Variants in TPM4 observed in about 807,000 individuals in gnomAD.
TPM4 encodes tropomyosin alpha-4 chain.
A neutral mutation model predicts 35.8 loss-of-function variants in TPM4; 17 were observed. The observed-to-expected ratio is 0.47, with a 90% CI of 0.32 to 0.71. The LOEUF (loss-of-function observed/expected upper bound fraction) is 0.71, where lower values mean the gene tolerates loss of function less well. Among genes scored for constraint, TPM4 ranks in the 30% least tolerant of loss-of-function variants. The pLI, the probability that TPM4 is intolerant of heterozygous loss-of-function variation, is 0.03. For synonymous variants in TPM4, 120 were observed against 122.9 expected, an observed-to-expected ratio of 0.98 and a Z score of 0.15; for missense variants, 240 against 320.9, an observed-to-expected ratio of 0.75 and a Z score of 1.93.
chr19:16,076,985 C>A, intron 1 of TPM4: 1 of 428,354 alleles, frequency 2.3e-6, no homozygotes, highest in Non-Finnish European at 3.5e-6. Flanking sequence ...GAGCGATCTC[C>A]GGGTGGAGAA....
chr19:16,075,908 A>G, upstream of TPM4: 1 of 1,254,976 alleles, frequency 8.0e-7, no homozygotes, highest in Non-Finnish European at 1.1e-6. Context: ...TGCTATCGCA[A>G]CCCCTGTTCT....
At chr19:16,071,618 C>T (rs566571030), upstream of TPM4, among the ~76,000 whole-genome samples, 3 of 152,330 alleles carry the variant, frequency 2.0e-5, no homozygotes, top group South Asian at 6.2e-4. Context: ...CCCAGAATTC[C>T]GAAGCAGAAG....
At chr19:16,085,466 C>T (rs942428155) in intron 2 of TPM4, among the ~76,000 whole-genome samples, 3 of 151,732 alleles carry the variant, frequency 2.0e-5, no homozygotes, top group South Asian at 2.1e-4. Context: ...CTCAGGAGGC[C>T]GAGGCAACAG....
intron 7 of TPM4, chr19:16,100,231 A>G (rs1276942737): frequency 6.6e-6 from 1 of 152,160 alleles, no homozygotes; most frequent in Non-Finnish European, 1.5e-5. Flanking sequence ...ATACAACTGG[A>G]GCTTAAGTTC....
At chr19:16,072,806 T>A (rs963442714), upstream of TPM4, among the ~76,000 whole-genome samples, 8 of 149,162 alleles carry the variant, frequency 5.4e-5, no homozygotes, top group African/African-American at 1.5e-4. Flanking sequence ...ACTAGGGAGG[T>A]TGAGGCAGGA....
chr19:16,078,111 C>G, intron 1 of TPM4: 1 of 398,506 alleles, frequency 2.5e-6, no homozygotes, highest in Non-Finnish European at 4.4e-6. Flanking sequence ...AGCTCATAGA[C>G]AAATGGAGGC....
upstream of TPM4, among the ~76,000 whole-genome samples, chr19:16,071,761 C>T (rs2090358549): frequency 6.6e-6 from 1 of 152,180 alleles, no homozygotes. Flanking sequence ...TGATTTCTGG[C>T]CCTGCTTACC....
chr19:16,076,555 G>T lies in TPM4; in HGVS notation c.-11G>T, dbSNP rs1337667631. On this transcript the variant is annotated 5_prime_UTR_variant, in exon 1 of 8. Transcript: ENST00000643579. Reference sequence around the variant, plus strand: ...TCCGCCGCTGCCCGTGCGCCTCTGCGCCTCCGCGCCATGGCCGGCCTCAAC... The same window carrying T: ...TCCGCCGCTGCCCGTGCGCCTCTGCTCCTCCGCGCCATGGCCGGCCTCAAC... 4.1e-6 allele frequency: 6 copies of T among 1,452,782 alleles called. No homozygotes were observed. The highest frequency in any genetic ancestry group is 5.4e-6 in the Non-Finnish European group (6 of 1,107,436). The allele number at this position is 1,452,782 out of a possible 1,614,324, so 90.0% of individuals were successfully genotyped here.
intron 1 of TPM4, among the ~76,000 whole-genome samples, chr19:16,078,837 A>AAAAC (rs2090445200): frequency 6.6e-6 from 1 of 151,802 alleles, no homozygotes; most frequent in South Asian, 2.1e-4. Flanking sequence ...GGTTAAAAAA[A>AAAAC]AAAAAAAAAA....
intron 4 of TPM4, 70 bp from the exon 5 acceptor site, chr19:16,088,975 G>T (rs901772059): frequency 3.7e-6 from 6 of 1,605,742 alleles, no homozygotes; most frequent in Non-Finnish European, 4.3e-6. Flanking sequence ...AAAATTTATT[G>T]TTGGGGCGAT....
upstream of TPM4, chr19:16,076,246 C>T: frequency 6.5e-7 from 1 of 1,543,726 alleles, no homozygotes; most frequent in South Asian, 1.2e-5. Context: ...CGGGGAGAGC[C>T]GCAGGGGGAG....
At position 16,067,578 on chromosome 19, in the gene TPM4, C is replaced by G; in HGVS notation, c.-47C>G. On this transcript the variant is annotated 5_prime_UTR_variant, in exon 2 of 3. Transcript: ENST00000589897. This position sits in a 1 kb window ranked among gnomAD's most constrained non-coding sequence, Gnocchi z 4.1. ...CACAGCCCCTGACTGCCGCAGCCCC[C>G]ACAGAGCCCGCCGCGCACCCCACGT... The G allele has an allele frequency of 1.3e-6, 2 of 1,568,806 alleles. No individual in the cohort carries two copies. Among genetic ancestry groups the G allele is most frequent in the Non-Finnish European group, 1.7e-6 (2 of 1,148,904 alleles).
At chr19:16,095,466 G>A in intron 7 of TPM4, 5 of 1,024,366 alleles carry the variant, frequency 4.9e-6, no homozygotes, top group Non-Finnish European at 5.9e-6. Flanking sequence ...CTTCTGATGT[G>A]TCTGTGACTC....
At chr19:16,076,860 AC>A (rs2090414489) in intron 1 of TPM4, 163 bp downstream of exon 1, 1 of 1,238,278 alleles carries the variant, frequency 8.1e-7, no homozygotes, top group Non-Finnish European at 1.0e-6. Flanking sequence ...CGCAGCCAGG[AC>A]CCCCTACTTC....
chr19:16,076,005 C>CG (rs1555706856), upstream of TPM4: 1 of 1,535,984 alleles, frequency 6.5e-7, no homozygotes, highest in Non-Finnish European at 8.8e-7. Flanking sequence ...GGGACGTGAC[C>CG]CCCCCCCCAG....
At chr19:16,071,269 T>C (rs1398443048) in intron 2 of TPM4, among the ~76,000 whole-genome samples, 1 of 152,148 alleles carries the variant, frequency 6.6e-6, no homozygotes, top group Non-Finnish European at 1.5e-5. Flanking sequence ...AATCACAGCT[T>C]ACTGCAGCCT....
At position 16,102,647 on chromosome 19, in the gene TPM4, T is replaced by C. The variant is rs1437953075; in HGVS notation, c.*1301T>C. On this transcript the variant is annotated 3_prime_UTR_variant, in exon 8 of 8. Coordinates refer to ENST00000643579, the MANE Select transcript of TPM4 (RefSeq NM_003290.3). ...TAATAAAAGACCAAGAAACTCCTGATTAAACTGGATAATGAAGGATTCTGT... is the reference window on the plus strand; with the variant it reads ...TAATAAAAGACCAAGAAACTCCTGACTAAACTGGATAATGAAGGATTCTGT... 1 of 228,676 alleles carries C rather than the reference T, an allele frequency of 4.4e-6. No homozygotes were observed. Among genetic ancestry groups the C allele is most frequent in the Non-Finnish European group, 8.7e-6 (1 of 115,318 alleles). 14.2% of individuals were successfully genotyped at this position (228,676 alleles called of 1,614,324 possible).
chr19:16,072,478 T>C (rs574115050), upstream of TPM4, among the ~76,000 whole-genome samples: 2 of 152,336 alleles, frequency 1.3e-5, no homozygotes, highest in East Asian at 1.9e-4. Context: ...GGGTCCAGCA[T>C]GGTCTAGAAG....
rs1051196369 is a variant in TPM4 at position 16,070,627 on chromosome 19, C to A, written c.114+2889C>A. On this transcript the variant is annotated intron_variant, in intron 2 of 2. Coordinates refer to the TPM4 transcript ENST00000589897. The surrounding 1 kb of genome is among the most constrained non-coding windows in gnomAD (Gnocchi z 7.4). Reference sequence around the variant, plus strand: ...GTGACAGTAGGGCCTCCCTTGCCACCCCATGACAGGATTAGAGGTGACTGT... The same window carrying A: ...GTGACAGTAGGGCCTCCCTTGCCACACCATGACAGGATTAGAGGTGACTGT... Among the ~76,000 whole-genome samples the A allele has an allele frequency of 1.3e-5, 2 of 152,198 alleles. No individual in the cohort carries two copies. The highest frequency in any genetic ancestry group is 3.8e-4 in the East Asian group (2 of 5,196).
Sources: allele counts gnomAD v4.1 joint callset (sites outside exome capture counted in the v4.1 genomes callset), GRCh38; gene constraint gnomAD v4.1.1; non-coding constraint Gnocchi (gnomAD v3.1); transcripts MANE v1.5; gene names NCBI Gene and HGNC (gene_info 2026-07-23, HGNC 2026-07-21).